Variants in CENPC observed in about 807,000 individuals in gnomAD.
CENPC encodes the protein centromere protein C.
CENPC carries 63 observed loss-of-function variants against 112.1 expected under a neutral mutation model. The ratio of observed to expected loss-of-function variants is 0.56; its 90% CI spans 0.46 to 0.69. The LOEUF (loss-of-function observed/expected upper bound fraction) is 0.69. CENPC is among the 30% of genes least tolerant of loss of function. The pLI is 0.00. For missense variants in CENPC, 1,000 were observed against 1,103.8 expected, an observed-to-expected ratio of 0.91 and a Z score of 1.33; for synonymous variants, 333 against 367.6, an observed-to-expected ratio of 0.91 and a Z score of 1.08.
chr4:67,491,478 TATAG>T (rs1425515117), intron 16 of CENPC, among the ~76,000 whole-genome samples: 4 of 24,992 alleles, frequency 1.6e-4, no homozygotes, highest in Non-Finnish European at 3.1e-4. Flanking sequence ...TATATATATA[TATAG>T]AGAGAGAGAG....
chr4:67,484,831 C>T (rs1043654943), intron 17 of CENPC, among the ~76,000 whole-genome samples: 2 of 152,166 alleles, frequency 1.3e-5, no homozygotes, highest in Non-Finnish European at 2.9e-5. Context: ...CAGTGGCTCA[C>T]GCCTGTAATC....
Position 67,518,308 on chromosome 4 carries a change from A to C in CENPC, c.678T>G (p.Asp226Glu). The C allele has an allele frequency of 6.5e-7, 1 of 1,550,204 alleles. No individual in the cohort carries two copies. Among genetic ancestry groups the C allele is most frequent in the Non-Finnish European group, 8.7e-7 (1 of 1,147,868 alleles). Residue 226 changes from aspartate to glutamate, a missense_variant, in exon 7 of 19, where the codon GAT becomes GAG. By Grantham distance (45) the Asp-to-Glu change is conservative. Transcript: ENST00000273853. ...KKIEIDNKVS[D>E]EEDKTSEGQE... ...GTCCTTCCGATGTTTTATCCTCTTC[A>C]TCTGATACTTTATTATCTATTTCTA...
chr4:67,507,476 G>C (rs571452618), intron 10 of CENPC, among the ~76,000 whole-genome samples: 9 of 152,204 alleles, frequency 5.9e-5, no homozygotes, highest in African/African-American at 2.2e-4. Context: ...GATTACAAGA[G>C]AATACTAGGA....
chr4:67,500,576 C>A (rs775186563), intron 12 of CENPC, among the ~76,000 whole-genome samples: 14 of 152,068 alleles, frequency 9.2e-5, no homozygotes, highest in Non-Finnish European at 1.9e-4. Context: ...ACAGTATTCA[C>A]AGAATCATGA....
At chr4:67,501,060 C>A (rs552907706) in intron 12 of CENPC, among the ~76,000 whole-genome samples, 11 of 152,138 alleles carry the variant, frequency 7.2e-5, no homozygotes, top group African/African-American at 2.2e-4. Context: ...GTAATCCCAG[C>A]GCTTTGGGAG....
rs781266437 is a variant in CENPC, at chr4:67,490,107, G to A, written c.2530C>T (p.Gln844Ter). 6.2e-7 allele frequency: 1 copy of A among 1,604,132 alleles called. No homozygotes were observed. Among genetic ancestry groups the A allele is most frequent in the Non-Finnish European group, 8.5e-7 (1 of 1,176,022 alleles). ...EIILMDLVRP[Q>*]DTYQFFVKHG... Reference sequence around the variant, plus strand: ...TTAACAAAAAATTGATATGTATCTTGTGGCCTTACAAGATCTAGGAGTAAA... The same window carrying A: ...TTAACAAAAAATTGATATGTATCTTATGGCCTTACAAGATCTAGGAGTAAA... The change falls in exon 17 of 19, where the codon CAA (glutamine) becomes TAA (stop). Residue 844 changes from glutamine to a stop codon, truncating the protein, a stop_gained. Transcript: ENST00000273853. LOFTEE classifies it high-confidence loss of function.
chr4:67,493,797 G>T, intron 14 of CENPC, 87 bp downstream of exon 14: 1 of 730,400 alleles, frequency 1.4e-6, no homozygotes, highest in Non-Finnish European at 2.3e-6. Flanking sequence ...ATTAAGTAAG[G>T]TAATGTATAT....
At chr4:67,527,818 C>G (rs999219078) in intron 5 of CENPC, among the ~76,000 whole-genome samples, 7 of 151,750 alleles carry the variant, frequency 4.6e-5, no homozygotes, top group Admixed American at 2.6e-4. Context: ...TGTTATTTAA[C>G]ATAATACTGA....
chr4:67,478,802 A>G (rs1240586863), intron 17 of CENPC, among the ~76,000 whole-genome samples: 1 of 152,188 alleles, frequency 6.6e-6, no homozygotes, highest in Admixed American at 6.6e-5. Context: ...ATTCACCAAC[A>G]AAGTACCTGC....
chr4:67,544,641 T>A (rs536393852), intron 1 of CENPC, among the ~76,000 whole-genome samples: 1 of 152,124 alleles, frequency 6.6e-6, no homozygotes, highest in Non-Finnish European at 1.5e-5. Flanking sequence ...AACCAAAGTA[T>A]GAAATATAGA....
chr4:67,473,077 TTTAC>T (rs1012040998), intron 18 of CENPC, among the ~76,000 whole-genome samples: 7 of 151,028 alleles, frequency 4.6e-5, no homozygotes, highest in Non-Finnish European at 7.4e-5. Flanking sequence ...ATTTTATTTA[TTTAC>T]TTATTTTTTG....
At chr4:67,539,535 C>T (rs978156339) in intron 4 of CENPC, among the ~76,000 whole-genome samples, 1 of 152,098 alleles carries the variant, frequency 6.6e-6, no homozygotes, top group African/African-American at 2.4e-5. Context: ...CCAACCCTGC[C>T]AACCTGATTA....
At chr4:67,534,608 T>C (rs1410430453) in intron 4 of CENPC, among the ~76,000 whole-genome samples, 2 of 152,190 alleles carry the variant, frequency 1.3e-5, no homozygotes, top group Non-Finnish European at 2.9e-5. Context: ...TGACTGAAAT[T>C]GAAAACAATC....
intron 3 of CENPC, 22 bp downstream of exon 3, chr4:67,540,958 C>A (rs1225304641): frequency 1.9e-6 from 3 of 1,543,360 alleles, no homozygotes; most frequent in Middle Eastern, 1.7e-4. Context: ...CCCTTAAATT[C>A]CATCTTGAAA....
chr4:67,514,456 T>C lies in CENPC; in HGVS notation c.1062A>G (p.Leu354=), dbSNP rs1725994364. The C allele has an allele frequency of 6.2e-7, 1 of 1,613,488 alleles. No individual in the cohort carries two copies. The highest frequency in any genetic ancestry group is 8.5e-7 in the Non-Finnish European group (1 of 1,179,854). The change falls in exon 8 of 19, where the codon TTA becomes TTG. Residue 354 remains leucine, a synonymous_variant. Transcript: ENST00000273853. Reference sequence around the variant, plus strand: ...GTTTGTCATTTGCCAAAGTCTTAGGTAATATATTATGATGCTTTTCTCTTG... The same window carrying C: ...GTTTGTCATTTGCCAAAGTCTTAGGCAATATATTATGATGCTTTTCTCTTG... ...RKSREKHHNI[L]PKTLANDKHS...
Position 67,492,290 on chromosome 4 carries a change from C to T in CENPC, c.2420-15G>A. On this transcript the variant is annotated splice_polypyrimidine_tract_variant and intron_variant, in intron 15 of 18. Coordinates refer to ENST00000273853, the MANE Select transcript of CENPC (RefSeq NM_001812.4). Reference sequence around the variant, plus strand: ...TAAGTTAGTCTCTGCAAAAGAAATACCATTGAAATACAAACTACTTACTTA... The same window carrying T: ...TAAGTTAGTCTCTGCAAAAGAAATATCATTGAAATACAAACTACTTACTTA... 6.8e-7 allele frequency: 1 copy of T among 1,475,318 alleles called. No individual in the cohort carries two copies. The highest frequency in any genetic ancestry group is 9.3e-7 in the Non-Finnish European group (1 of 1,080,180). The allele number at this position is 1,475,318 out of a possible 1,614,324, so 91.4% of individuals were successfully genotyped here.
At chr4:67,536,399 T>C (rs1324264044) in intron 4 of CENPC, among the ~76,000 whole-genome samples, 1 of 152,170 alleles carries the variant, frequency 6.6e-6, no homozygotes, top group African/African-American at 2.4e-5. Flanking sequence ...CTTAATCAAG[T>C]TATCCCAGAA....
intron 17 of CENPC, among the ~76,000 whole-genome samples, chr4:67,482,921 C>A (rs116090451): frequency 0.018 from 2,699 of 150,822 alleles, 37 homozygotes; most frequent in South Asian, 0.031. Flanking sequence ...TGCCATAATC[C>A]CCACATGTCA....
chr4:67,543,655 G>T (rs569316498), intron 2 of CENPC, among the ~76,000 whole-genome samples: 10 of 152,072 alleles, frequency 6.6e-5, no homozygotes, highest in Non-Finnish European at 1.3e-4. Flanking sequence ...CAATAAACAT[G>T]ACGTTATTCA....
Sources: gnomAD v4.1 joint callset for allele counts (sites outside exome capture counted in the v4.1 genomes callset) on GRCh38, gnomAD v4.1.1 for gene constraint, MANE v1.5 for transcripts, NCBI Gene and HGNC (gene_info 2026-07-23, HGNC 2026-07-21) for gene names.